Variants in SNX9 observed in about 807,000 individuals in gnomAD.
SNX9 encodes the protein sorting nexin-9.
SNX9 carries 44 observed loss-of-function variants against 89.4 expected under a neutral mutation model. That is an observed-to-expected ratio of 0.49 (90% CI 0.39 to 0.63). The LOEUF (loss-of-function observed/expected upper bound fraction) is 0.63, where lower values mean the gene tolerates loss of function less well. Among genes scored for constraint, SNX9 ranks in the 30% least tolerant of loss-of-function variants. The pLI is 0.00. For synonymous variants in SNX9, 236 were observed against 247.8 expected (o/e 0.95, Z 0.45); for missense variants, 578 against 736.1 (o/e 0.79, Z 2.49).
At chr6:157,861,881 A>G (rs1420883454) in intron 1 of SNX9, among the ~76,000 whole-genome samples, 1 of 152,206 alleles carries the variant, frequency 6.6e-6, no homozygotes, top group Non-Finnish European at 1.5e-5. Flanking sequence ...GGTCATTATT[A>G]AGTAAAATAA....
At chr6:157,928,151 G>A (rs1378156462) in intron 11 of SNX9, among the ~76,000 whole-genome samples, 4 of 152,056 alleles carry the variant, frequency 2.6e-5, no homozygotes, top group Non-Finnish European at 2.9e-5. Flanking sequence ...ATACACTTTT[G>A]ACATCCTTAG....
At chr6:157,873,244 CT>C in intron 3 of SNX9, 68 bp downstream of exon 3, 1 of 1,335,246 alleles carries the variant, frequency 7.5e-7, no homozygotes, top group South Asian at 1.7e-5. Context: ...GAATTATCAA[CT>C]TACAAGAAGT....
intron 1 of SNX9, among the ~76,000 whole-genome samples, chr6:157,850,732 A>T (rs752754520): frequency 6.6e-6 from 1 of 152,112 alleles, no homozygotes; most frequent in African/African-American, 2.4e-5. Context: ...CTGTATTTAA[A>T]ATATTTTATT....
chr6:157,902,698 C>T (rs2024565), intron 6 of SNX9, among the ~76,000 whole-genome samples: 1,879 of 152,200 alleles, frequency 0.012, 50 homozygotes, highest in East Asian at 0.12. Flanking sequence ...ACAGGCGTCT[C>T]GCTCTGTCAC....
chr6:157,897,868 T>TG (rs1159110302), intron 5 of SNX9, among the ~76,000 whole-genome samples: 2 of 152,182 alleles, frequency 1.3e-5, no homozygotes, highest in East Asian at 3.9e-4. Context: ...TTCCAGAGAA[T>TG]GGGAGGTGGA....
At chr6:157,932,334 T>G (rs1783828680) in intron 13 of SNX9, 62 bp downstream of exon 13, 2 of 1,464,326 alleles carry the variant, frequency 1.4e-6, no homozygotes, top group Admixed American at 3.4e-5. Context: ...GTCACCTGCT[T>G]AGGATCCTGC....
intron 16 of SNX9, among the ~76,000 whole-genome samples, chr6:157,939,283 G>A (rs1024696042): frequency 2.0e-5 from 3 of 152,170 alleles, no homozygotes; most frequent in African/African-American, 7.2e-5. Context: ...AGGAACAAAA[G>A]CCACAAAATT....
At chr6:157,899,141 G>GGGGAGGAAGGAGAAGGAGGAGAGCC (rs1783041321) in intron 5 of SNX9, among the ~76,000 whole-genome samples, 10 of 152,162 alleles carry the variant, frequency 6.6e-5, no homozygotes, top group African/African-American at 1.9e-4. Context: ...AGAGCCCACA[G>GGGGAGGAAGGAGAAGGAGGAGAGCC]CACCTTATCT....
At chr6:157,890,941 G>A (rs1383882018) in intron 4 of SNX9, among the ~76,000 whole-genome samples, 2 of 151,032 alleles carry the variant, frequency 1.3e-5, no homozygotes, top group African/African-American at 4.9e-5. Flanking sequence ...TCCTGTGCCT[G>A]TCTGTATCAT....
chr6:157,921,083 C>T (rs754665495), intron 9 of SNX9, among the ~76,000 whole-genome samples: 2 of 152,144 alleles, frequency 1.3e-5, no homozygotes, highest in Non-Finnish European at 2.9e-5. Flanking sequence ...AATACCATGT[C>T]GTTTGTAAGA....
In SNX9 at chr6:157,826,788, A is replaced by ATATAATATATAAATATATTATATTT. The variant is rs1562585811; in HGVS notation, c.12+3346_12+3347insATATATAAATATATTATATTTTATA. On this transcript the variant is annotated intron_variant, in intron 1 of 17. Coordinates refer to ENST00000392185, the MANE Select transcript of SNX9 (RefSeq NM_016224.5). ...ATATGATATATAAATATATTATATTATATATATATATTATATTTTATATAT... is the reference window on the plus strand; with the variant it reads ...ATATGATATATAAATATATTATATTATATAATATATAAATATATTATATTTTATATATATATTATATTTTATATAT... 7.8e-3 allele frequency among the ~76,000 whole-genome samples: 745 copies of ATATAATATATAAATATATTATATTT among 95,378 alleles called. 166 individuals are homozygous for ATATAATATATAAATATATTATATTT. Among genetic ancestry groups the ATATAATATATAAATATATTATATTT allele is most frequent in the African/African-American group, 0.036 (706 of 19,502 alleles). 62.6% of individuals were successfully genotyped at this position (95,378 alleles called of 152,430 possible).
intron 1 of SNX9, among the ~76,000 whole-genome samples, chr6:157,828,200 T>A (rs1781417335): frequency 1.5e-5 from 2 of 137,630 alleles, no homozygotes; most frequent in South Asian, 4.4e-4. Context: ...TTTCTATGTG[T>A]CTTAAGTAGA....
At chr6:157,827,263 CAT>C (rs1781386128) in intron 1 of SNX9, among the ~76,000 whole-genome samples, 1 of 1,710 alleles carries the variant, frequency 5.8e-4, no homozygotes, top group Non-Finnish European at 7.2e-4. Flanking sequence ...AATATATAAA[CAT>C]ATATTATAGT....
intron 1 of SNX9, among the ~76,000 whole-genome samples, chr6:157,824,903 A>G (rs886361646): frequency 6.6e-6 from 1 of 152,176 alleles, no homozygotes; most frequent in Non-Finnish European, 1.5e-5. Flanking sequence ...GACATTCCAG[A>G]AATTACCAGT....
rs545073462 is a variant in SNX9 at position 157,917,412 on chromosome 6, C to T, written c.950-4119C>T. On this transcript the variant is annotated intron_variant, in intron 9 of 17. Transcript: ENST00000392185. ...TTGTTTTGAGATATTTCCGCTATCA[C>T]AGGCATTAAATGCTAAAAACTTTCC... 4.6e-5 allele frequency among the ~76,000 whole-genome samples: 7 copies of T among 152,238 alleles called. No individual in the cohort carries two copies. In the South Asian group the frequency reaches 8.3e-4, roughly 18 times the overall value.
At chr6:157,863,749 G>A (rs942983384) in intron 1 of SNX9, among the ~76,000 whole-genome samples, 1 of 152,152 alleles carries the variant, frequency 6.6e-6, no homozygotes, top group African/African-American at 2.4e-5. Flanking sequence ...GAAAACAGGT[G>A]GAGGCAAAAT....
intron 1 of SNX9, among the ~76,000 whole-genome samples, chr6:157,863,203 A>G (rs1258780729): frequency 6.6e-6 from 1 of 152,258 alleles, no homozygotes; most frequent in Non-Finnish European, 1.5e-5. Context: ...ACAGAATAAC[A>G]GATATGTACA....
At chr6:157,874,565 A>G (rs1479850717) in intron 3 of SNX9, 1 of 152,358 alleles carries the variant, frequency 6.6e-6, no homozygotes, top group African/African-American at 2.4e-5. Flanking sequence ...CAGCACCATC[A>G]ATAAATTGAT....
chr6:157,926,780 CA>C (rs71027371), intron 10 of SNX9, among the ~76,000 whole-genome samples: 9,001 of 60,834 alleles, frequency 0.15, 198 homozygotes, highest in African/African-American at 0.25. Context: ...GACTCTGTCT[CA>C]AAAAAAAAAA....
Sources: allele counts gnomAD v4.1 joint callset (sites outside exome capture counted in the v4.1 genomes callset), GRCh38; gene constraint gnomAD v4.1.1; transcripts MANE v1.5; gene names NCBI Gene and HGNC (gene_info 2026-07-23, HGNC 2026-07-21).